Variants in DRICH1 observed in about 807,000 individuals in gnomAD.
DRICH1 encodes aspartate-rich protein 1.
In DRICH1, 38 loss-of-function variants were observed where a neutral mutation model predicts 39.5. The ratio of observed to expected loss-of-function variants is 0.96; its 90% confidence interval spans 0.74 to 1.26. The LOEUF (loss-of-function observed/expected upper bound fraction) is 1.26. DRICH1 is among the 50% of genes most tolerant of loss of function. The pLI is 0.00. For synonymous variants in DRICH1, 84 were observed against 99.5 expected, an observed-to-expected ratio of 0.84 and a Z score of 0.93; for missense variants, 279 against 270.4, an observed-to-expected ratio of 1.03 and a Z score of -0.22.
At chr22:23,611,688 G>A (rs1417952813) in intron 11 of DRICH1, among the ~76,000 whole-genome samples, 1 of 152,028 alleles carries the variant, frequency 6.6e-6, no homozygotes, top group Non-Finnish European at 1.5e-5. Context: ...ATGACATTTT[G>A]GTCAATGACA....
chr22:23,616,955 T>C, intron 7 of DRICH1, 81 bp from the exon 8 acceptor site: 3 of 1,517,240 alleles, frequency 2.0e-6, no homozygotes, highest in East Asian at 2.3e-5. Context: ...AGTCTCTTGA[T>C]GACTTCACAA....
At chr22:23,583,761 T>G in the DRICH1 span, 1 of 152,634 alleles carries the variant, frequency 6.6e-6, no homozygotes, top group African/African-American at 2.4e-5. Context: ...GCTTCTCCCC[T>G]GTTGGGAGCC....
In DRICH1 at chr22:23,626,039, T is replaced by A; in HGVS notation, c.218A>T (p.Glu73Val). ...SNQKMPTGPP[E>V]DRLSLKFLPS... is the part of the protein sequence containing the mutation. ...CAGAAATTTTAAACTCAGGCGGTCC[T>A]CAGGGGGACCTAAAAGGACACAGAG... The change falls in exon 2 of 12, where the codon GAG becomes GTG. Residue 73 changes from glutamate (E) to valine (V), a missense_variant. Coordinates refer to ENST00000317749, the MANE Select transcript of DRICH1 (RefSeq NM_016449.4). The A allele has an allele frequency of 6.2e-7, 1 of 1,612,236 alleles. No individual in the cohort carries two copies. Among genetic ancestry groups the A allele is most frequent in the South Asian group, 1.1e-5 (1 of 90,840 alleles).
At chr22:23,583,046 T>C in the DRICH1 span, 4 of 152,338 alleles carry the variant, frequency 2.6e-5, no homozygotes, top group East Asian at 5.8e-4. Flanking sequence ...TTTGTTAAAG[T>C]GAGGCAGCCC....
downstream of DRICH1, among the ~76,000 whole-genome samples, chr22:23,605,307 T>C (rs2186362): frequency 0.6 from 91,417 of 151,858 alleles, 28,000 homozygotes; most frequent in African/African-American, 0.67. Flanking sequence ...CCCCAACAGG[T>C]CCTCCCCAGG....
chr22:23,631,754 G>T (rs1203772843), intron 1 of DRICH1, 62 bp downstream of exon 1: 11 of 1,344,226 alleles, frequency 8.2e-6, no homozygotes, highest in Non-Finnish European at 1.1e-5. Flanking sequence ...TGAGGGTAAG[G>T]GAAGGGGGTG....
intron 1 of DRICH1, among the ~76,000 whole-genome samples, chr22:23,626,508 G>A (rs948268635): frequency 6.6e-6 from 1 of 152,076 alleles, no homozygotes. Context: ...CTTTTCCTAG[G>A]TTCCAAAGCA....
At chr22:23,627,561 C>A (rs534507436) in intron 1 of DRICH1, among the ~76,000 whole-genome samples, 149 of 152,230 alleles carry the variant, frequency 9.8e-4, no homozygotes, top group African/African-American at 3.2e-3. Context: ...TCCTGGGCAT[C>A]TACACAAGGG....
chr22:23,608,484 A>T lies in DRICH1; in HGVS notation c.*280T>A. 1 of 504,904 alleles carries T rather than the reference A, an allele frequency of 2.0e-6. No individual in the cohort carries two copies. 31.3% of individuals were successfully genotyped at this position (504,904 alleles called of 1,614,324 possible). On this transcript the variant is annotated 3_prime_UTR_variant, in exon 12 of 12. Coordinates refer to ENST00000317749, the MANE Select transcript of DRICH1 (RefSeq NM_016449.4). ...ACTCAGTCTCTTTATTTCAAGTGGG[A>T]ATGGCACTTTCTGCTCGTGGAGCAC... is the stretch of plus-strand genomic sequence containing the variant.
At chr22:23,586,032 A>G in the DRICH1 span, among the ~76,000 whole-genome samples, 2,305 of 152,234 alleles carry the variant, frequency 0.015, 53 homozygotes, top group African/African-American at 0.051. Flanking sequence ...TAAGTCCATT[A>G]GGTACTCATT....
At chr22:23,627,644 G>T (rs1046353785) in intron 1 of DRICH1, among the ~76,000 whole-genome samples, 1 of 152,182 alleles carries the variant, frequency 6.6e-6, no homozygotes, top group Non-Finnish European at 1.5e-5. Context: ...TTCCAGCAGG[G>T]GGTGCACGTG....
the DRICH1 span, among the ~76,000 whole-genome samples, chr22:23,582,968 G>C: frequency 2.0e-5 from 3 of 152,112 alleles, no homozygotes; most frequent in Non-Finnish European, 4.4e-5. Flanking sequence ...GCTTCCAAAT[G>C]CCAGTCTTCA....
chr22:23,611,633 C>T (rs1200268607), intron 11 of DRICH1, among the ~76,000 whole-genome samples: 1 of 152,036 alleles, frequency 6.6e-6, no homozygotes, highest in Non-Finnish European at 1.5e-5. Flanking sequence ...CCTCGTAATC[C>T]GCCCACCTTG....
intron 6 of DRICH1, among the ~76,000 whole-genome samples, chr22:23,618,580 A>G (rs1325176359): frequency 6.6e-6 from 1 of 152,138 alleles, no homozygotes; most frequent in Admixed American, 6.5e-5. Context: ...CTCTGTGTCA[A>G]TCTCCCTGAG....
chr22:23,588,213 G>A, the DRICH1 span, among the ~76,000 whole-genome samples: 5 of 152,212 alleles, frequency 3.3e-5, no homozygotes, highest in African/African-American at 1.2e-4. Flanking sequence ...TGCAACCTCC[G>A]CCTCCCAGGT....
chr22:23,625,500 T>C lies in DRICH1; in HGVS notation c.276+481A>G, dbSNP rs181097126. 2.3e-4 allele frequency among the ~76,000 whole-genome samples: 35 copies of C among 152,176 alleles called. 1 individual carries two copies. In the East Asian group the frequency reaches 6.4e-3, roughly 28 times the overall value. On this transcript the variant is annotated intron_variant, in intron 2 of 11. Transcript: ENST00000317749. ...CCCTTTCCTCCCCACTTAGTTGCCC[T>C]CACTGGAACCAAAGAAGTTTAGTCT...
chr22:23,608,005 G>C (rs1002091043), downstream of DRICH1, among the ~76,000 whole-genome samples: 16 of 152,360 alleles, frequency 1.1e-4, no homozygotes, highest in Non-Finnish European at 8.8e-5. Context: ...CTGCATGAAT[G>C]AATCAGGGAA....
chr22:23,628,057 G>C (rs1602351871), intron 1 of DRICH1, among the ~76,000 whole-genome samples: 1 of 152,294 alleles, frequency 6.6e-6, no homozygotes, highest in South Asian at 2.1e-4. Context: ...CACAGATAGA[G>C]TTTGACACTG....
chr22:23,589,306 C>T, the DRICH1 span, among the ~76,000 whole-genome samples: 1 of 151,838 alleles, frequency 6.6e-6, no homozygotes, highest in East Asian at 1.9e-4. Flanking sequence ...CAAAAATTAA[C>T]CACACGTGGT....
Sources: gnomAD v4.1 joint callset for allele counts (sites outside exome capture counted in the v4.1 genomes callset) on GRCh38, gnomAD v4.1.1 for gene constraint, MANE v1.5 for transcripts, NCBI Gene and HGNC (gene_info 2026-07-23, HGNC 2026-07-21) for gene names.